CDH11: variants seen among roughly 807,000 people sequenced by gnomAD.
The protein encoded by CDH11 is cadherin-11.
CDH11 carries 11 observed loss-of-function variants against 67.8 expected under a neutral mutation model. The ratio of observed to expected loss-of-function variants is 0.16; its 90% CI spans 0.10 to 0.27. The LOEUF is 0.27. CDH11 is among the 10% of genes least tolerant of loss of function. The probability of loss-of-function intolerance (pLI) is 1.00; values close to 1 mark genes in which losing one functional copy is unlikely to be tolerated. For missense variants in CDH11, 847 were observed against 1,031.2 expected, an observed-to-expected ratio of 0.82 and a Z score of 2.45; for synonymous variants, 419 against 400.0, an observed-to-expected ratio of 1.05 and a Z score of -0.57.
At position 64,950,917 on chromosome 16, in the gene CDH11, T is replaced by C; in HGVS notation, c.1744A>G (p.Met582Val). 6.2e-7 allele frequency: 1 copy of C among 1,614,232 alleles called. No homozygotes were observed. The highest frequency in any genetic ancestry group is 1.1e-5 in the South Asian group (1 of 91,088). The change falls in exon 12 of 13, where the codon ATG (methionine) becomes GTG (valine). Residue 582 changes from methionine to valine, a missense_variant. By Grantham distance (21) the Met-to-Val change is conservative (BLOSUM62 1). Transcript: ENST00000268603. Reference protein sequence around the residue: ...IVISDGGIPPMSSTNTLTIKV... With the variant: ...IVISDGGIPPVSSTNTLTIKV... ...ATGGTGAGGGTGTTGGTGCTACTCA[T>C]GGGCGGGATGCCGCCATCGCTGATC...
At chr16:65,074,444 T>C (rs2074472657) in intron 1 of CDH11, among the ~76,000 whole-genome samples, 1 of 152,228 alleles carries the variant, frequency 6.6e-6, no homozygotes, top group African/African-American at 2.4e-5. Flanking sequence ...TCAGTTTCTC[T>C]ACATAGAATG....
intron 2 of CDH11, among the ~76,000 whole-genome samples, chr16:65,017,162 G>T (rs1178158058): frequency 1.3e-5 from 2 of 152,096 alleles, no homozygotes; most frequent in African/African-American, 2.4e-5. Context: ...AATCAGTCCT[G>T]CTAACCTCCT....
At chr16:65,005,105 A>C in intron 2 of CDH11, 64 bp from the exon 3 acceptor site, 2 of 1,316,726 alleles carry the variant, frequency 1.5e-6, no homozygotes, top group Non-Finnish European at 1.9e-6. Flanking sequence ...CATTCCTTTC[A>C]GTAAGCCTTC....
At position 65,121,500 on chromosome 16, in the gene CDH11, A is replaced by G. The variant is rs2075329050; in HGVS notation, c.-298+380T>C. On this transcript the variant is annotated intron_variant, in intron 1 of 12. Coordinates refer to ENST00000268603, the MANE Select transcript of CDH11 (RefSeq NM_001797.4). The surrounding 1 kb of genome is among the most constrained non-coding windows in gnomAD (Gnocchi z 4.1). ...CACCGCGCCGTGGGCGACTTTCCCC[A>G]GAGATATGACCGGGGACAGTCGGCG... Among the ~76,000 whole-genome samples the G allele has an allele frequency of 6.6e-6, 1 of 152,006 alleles. No individual in the cohort carries two copies. The highest frequency in any genetic ancestry group is 1.5e-5 in the Non-Finnish European group (1 of 67,974).
intron 1 of CDH11, among the ~76,000 whole-genome samples, chr16:65,106,203 T>A (rs541809340): frequency 7.2e-5 from 11 of 152,328 alleles, no homozygotes; most frequent in South Asian, 6.2e-4. Flanking sequence ...AGGGAGGTAA[T>A]GTTCCATTCT....
At chr16:65,104,574 T>C (rs994196499) in intron 1 of CDH11, among the ~76,000 whole-genome samples, 7 of 152,180 alleles carry the variant, frequency 4.6e-5, no homozygotes, top group African/African-American at 1.7e-4. Context: ...AAGCATGTAA[T>C]ATACACATGG....
In CDH11 at chr16:64,944,052, C is replaced by T. The variant is rs2071153513; in HGVS notation, c.*3551G>A. 1 of 232,356 alleles carries T rather than the reference C, an allele frequency of 4.3e-6. No homozygotes were observed. The highest frequency in any genetic ancestry group is 2.2e-5 in the African/African-American group (1 of 45,226). 14.4% of individuals were successfully genotyped at this position (232,356 alleles called of 1,614,324 possible). On this transcript the variant is annotated 3_prime_UTR_variant, in exon 13 of 13. Coordinates refer to ENST00000268603, the MANE Select transcript of CDH11 (RefSeq NM_001797.4). ...GCCAGTGTGGCTGGAGCATCGTGCA[C>T]TGAAAGGAGGATGGAGTGGAATGAC... is the stretch of plus-strand genomic sequence containing the variant.
intron 2 of CDH11, among the ~76,000 whole-genome samples, chr16:65,023,418 G>A (rs2073466976): frequency 6.6e-6 from 1 of 152,170 alleles, no homozygotes; most frequent in East Asian, 1.9e-4. Flanking sequence ...AGATGTCACA[G>A]GGTGAATCCC....
intron 2 of CDH11, among the ~76,000 whole-genome samples, chr16:65,011,179 C>G (rs2073177881): frequency 6.7e-6 from 1 of 150,250 alleles, no homozygotes; most frequent in South Asian, 2.1e-4. Context: ...GCTTAGTGTC[C>G]TTATGTAACC....
At chr16:64,995,218 T>TC (rs1422880235) in intron 4 of CDH11, among the ~76,000 whole-genome samples, 2 of 148,804 alleles carry the variant, frequency 1.3e-5, no homozygotes, top group African/African-American at 4.9e-5. Context: ...CATCATTTTT[T>TC]CACAGAATTA....
At chr16:65,076,684 C>T in intron 1 of CDH11, among the ~76,000 whole-genome samples, 1 of 149,974 alleles carries the variant, frequency 6.7e-6, no homozygotes, top group Middle Eastern at 3.4e-3. Context: ...CCCTAGCCCC[C>T]CACCCCCCGA....
At chr16:65,004,502 AT>A in intron 3 of CDH11, 139 bp downstream of exon 3, 1 of 697,976 alleles carries the variant, frequency 1.4e-6, no homozygotes, top group South Asian at 2.1e-5. Context: ...TATGTACAAT[AT>A]TTGGGTGGTT....
In CDH11 at chr16:65,085,424, G is replaced by A. The variant is rs1001865177; in HGVS notation, c.-297-31496C>T. The stretch of plus-strand genomic sequence containing the variant: ...TGACATCAGTAATTATACCTACCTC[G>A]TGGAATCACTGGGAATATTAGCCAA... On this transcript the variant is annotated intron_variant, in intron 1 of 12. Transcript: ENST00000268603. Among the ~76,000 whole-genome samples, 7 of 152,276 alleles carry A rather than the reference G, an allele frequency of 4.6e-5. No individual in the cohort carries two copies. The East Asian group carries it at 1.2e-3, about 25-fold the overall frequency.
chr16:65,039,437 C>T (rs1192061238), intron 2 of CDH11, among the ~76,000 whole-genome samples: 2 of 152,034 alleles, frequency 1.3e-5, no homozygotes, highest in African/African-American at 2.4e-5. Context: ...CTTTGACAAA[C>T]CTGACAAAAA....
At chr16:65,031,283 A>G (rs952333101) in intron 2 of CDH11, among the ~76,000 whole-genome samples, 1 of 152,264 alleles carries the variant, frequency 6.6e-6, no homozygotes, top group Admixed American at 6.5e-5. Context: ...AGCAGAGGCA[A>G]TAGCAAACAA....
chr16:65,017,412 A>G (rs573439957), intron 2 of CDH11, among the ~76,000 whole-genome samples: 1 of 152,254 alleles, frequency 6.6e-6, no homozygotes, highest in East Asian at 1.9e-4. Context: ...CCTAACTATT[A>G]GGGTCTCTTT....
intron 2 of CDH11, among the ~76,000 whole-genome samples, chr16:65,014,814 C>A (rs557848925): frequency 6.6e-6 from 1 of 151,894 alleles, no homozygotes; most frequent in African/African-American, 2.4e-5. Context: ...CTGGCCTTAA[C>A]AGGAGAAGAG....
Position 65,112,069 on chromosome 16 carries a change from C to CAAA in CDH11, c.-298+9808_-298+9810dup, listed in dbSNP as rs35671651. Among the ~76,000 whole-genome samples, 40 of 91,212 alleles carry CAAA rather than the reference C, an allele frequency of 4.4e-4. 1 individual carries two copies. Among genetic ancestry groups the CAAA allele is most frequent in the African/African-American group, 1.2e-3 (27 of 23,078 alleles). The allele number at this position is 91,212 out of a possible 152,430, so 59.8% of individuals were successfully genotyped here. On this transcript the variant is annotated intron_variant, in intron 1 of 12. Transcript: ENST00000268603. ...TGGGCAACAGAGGGAGACTCTGTCT[C>CAAA]AAAAAAAAAAAAAAAAAAAGAATAA...
intron 4 of CDH11, among the ~76,000 whole-genome samples, chr16:64,993,524 G>A (rs1054212084): frequency 6.6e-6 from 1 of 152,108 alleles, no homozygotes; most frequent in African/African-American, 2.4e-5. Flanking sequence ...TAAAATTGCT[G>A]CTAATTCTAC....
Sources: gnomAD v4.1 joint callset for allele counts (sites outside exome capture counted in the v4.1 genomes callset) on GRCh38, gnomAD v4.1.1 for gene constraint, Gnocchi (gnomAD v3.1) non-coding constraint, MANE v1.5 for transcripts, NCBI Gene and HGNC (gene_info 2026-07-23, HGNC 2026-07-21) for gene names.